Variants in CCAR1 observed in about 807,000 individuals in gnomAD.
CCAR1 encodes cell division cycle and apoptosis regulator 1.
A neutral mutation model predicts 163.8 loss-of-function variants in CCAR1; 78 were observed. The ratio of observed to expected loss-of-function variants is 0.48; its 90% CI spans 0.40 to 0.57. CCAR1 has a LOEUF of 0.57. Among genes scored for constraint, CCAR1 ranks in the 20% least tolerant of loss-of-function variants. The pLI, the probability that CCAR1 is intolerant of heterozygous loss-of-function variation, is 0.00. For missense variants in CCAR1, 1,019 were observed against 1,365.2 expected (o/e 0.75, Z 4.00); for synonymous variants, 443 against 460.7 (o/e 0.96, Z 0.49).
chr10:68,724,031 G>A (rs1164744080), intron 2 of CCAR1, among the ~76,000 whole-genome samples: 3 of 151,888 alleles, frequency 2.0e-5, no homozygotes, highest in African/African-American at 7.3e-5. Context: ...GGTGGTGCAT[G>A]CCTGTAATCC....
chr10:68,775,250 G>A (rs1015688520), intron 19 of CCAR1, among the ~76,000 whole-genome samples: 9 of 151,984 alleles, frequency 5.9e-5, no homozygotes, highest in Non-Finnish European at 7.4e-5. Context: ...GGTCGTAATA[G>A]CATCTATTAT....
intron 10 of CCAR1, among the ~76,000 whole-genome samples, chr10:68,749,999 A>G (rs2056310190): frequency 6.6e-6 from 1 of 152,156 alleles, no homozygotes; most frequent in African/African-American, 2.4e-5. Context: ...TGTATAGTCC[A>G]TTGTGTATGA....
chr10:68,727,340 G>A (rs1161437184), intron 2 of CCAR1, among the ~76,000 whole-genome samples: 1 of 151,974 alleles, frequency 6.6e-6, no homozygotes, highest in Non-Finnish European at 1.5e-5. Flanking sequence ...GCCTCCCAAA[G>A]CTAAGCTAGA....
intron 16 of CCAR1, among the ~76,000 whole-genome samples, chr10:68,764,674 A>T (rs2056515638): frequency 6.6e-6 from 1 of 152,160 alleles, no homozygotes; most frequent in Non-Finnish European, 1.5e-5. Flanking sequence ...CACTTCTATT[A>T]GAGAAGCTGA....
intron 19 of CCAR1, among the ~76,000 whole-genome samples, chr10:68,774,728 C>G (rs1332538310): frequency 6.6e-6 from 1 of 151,926 alleles, no homozygotes; most frequent in East Asian, 1.9e-4. Flanking sequence ...TAATAAACAC[C>G]CATATACCTT....
rs754914176 is a variant in CCAR1, at chr10:68,791,239, A to C, written c.3426A>C (p.Lys1142Asn). 1.9e-6 allele frequency: 3 copies of C among 1,600,216 alleles called. No individual in the cohort carries two copies. Among genetic ancestry groups the C allele is most frequent in the African/African-American group, 2.7e-5 (2 of 74,590 alleles). ...TAAAGAATGAAGACAAAGATCAAAA[A>C]TCCAAGGAGAATGGTGCCAGTGTAT... ...DNVKNEDKDQ[K>N]SKENGASV The change falls in exon 25 of 25, where the codon AAA (lysine) becomes AAC (asparagine). Residue 1142 changes from lysine (K) to asparagine (N), a missense_variant. Coordinates refer to ENST00000265872, the MANE Select transcript of CCAR1 (RefSeq NM_018237.4).
intron 19 of CCAR1, among the ~76,000 whole-genome samples, chr10:68,776,255 C>CT (rs557201705): frequency 0.034 from 4,759 of 139,220 alleles, 84 homozygotes; most frequent in African/African-American, 0.057. Context: ...CTTTTCTTTT[C>CT]TTTTTTTTTT....
intron 17 of CCAR1, among the ~76,000 whole-genome samples, chr10:68,768,831 A>C (rs2056566102): frequency 6.6e-6 from 1 of 152,202 alleles, no homozygotes; most frequent in Admixed American, 6.5e-5. Context: ...AGATTGGGCA[A>C]CTAATGAAAA....
intron 17 of CCAR1, among the ~76,000 whole-genome samples, chr10:68,769,396 G>A (rs1479474358): frequency 1.3e-5 from 2 of 152,146 alleles, no homozygotes; most frequent in African/African-American, 4.8e-5. Context: ...TGAGGCAGGC[G>A]GATCGCCTGA....
At chr10:68,721,592 T>G (rs1208857305) in intron 1 of CCAR1, 1 of 449,224 alleles carries the variant, frequency 2.2e-6, no homozygotes. Flanking sequence ...GGTTTTACCC[T>G]CCTGGCCCCC....
chr10:68,729,589 A>G (rs1166424345), intron 2 of CCAR1, among the ~76,000 whole-genome samples: 1 of 151,516 alleles, frequency 6.6e-6, no homozygotes, highest in African/African-American at 2.4e-5. Flanking sequence ...TACTCTTGTA[A>G]TCCTAGCGCT....
chr10:68,743,177 C>CTTCT (rs1298445956), intron 6 of CCAR1, among the ~76,000 whole-genome samples: 1 of 150,560 alleles, frequency 6.6e-6, no homozygotes, highest in African/African-American at 2.4e-5. Context: ...TTCCCTTACT[C>CTTCT]TTCTTTCTTT....
intron 21 of CCAR1, among the ~76,000 whole-genome samples, chr10:68,787,556 C>T (rs888332767): frequency 1.3e-5 from 2 of 151,976 alleles, no homozygotes; most frequent in Admixed American, 6.6e-5. Context: ...AAAATTACAG[C>T]TGGGCATAGT....
At chr10:68,733,521 A>G (rs1394687515) in intron 2 of CCAR1, among the ~76,000 whole-genome samples, 1 of 151,378 alleles carries the variant, frequency 6.6e-6, no homozygotes, top group Non-Finnish European at 1.5e-5. Context: ...CTTTCTTTAA[A>G]TTTTAAAAAT....
At chr10:68,762,396 T>G (rs1208863464) in intron 16 of CCAR1, among the ~76,000 whole-genome samples, 1 of 151,534 alleles carries the variant, frequency 6.6e-6, no homozygotes, top group African/African-American at 2.4e-5. Context: ...AGAAATTGAG[T>G]TCTAGTGAAG....
At chr10:68,731,063 C>T (rs901560639) in intron 2 of CCAR1, among the ~76,000 whole-genome samples, 1 of 152,062 alleles carries the variant, frequency 6.6e-6, no homozygotes, top group African/African-American at 2.4e-5. Context: ...GATATAAATA[C>T]ATAGTGATAA....
rs2056853582 is a variant in CCAR1, at chr10:68,791,740, A to C, written c.*474A>C. ...TTGTTTTTTTTACTCATCACCAAAA[A>C]ATCCCCTCTTGATCAGTCTCTAAAA... On this transcript the variant is annotated 3_prime_UTR_variant, in exon 25 of 25. Coordinates refer to ENST00000265872, the MANE Select transcript of CCAR1 (RefSeq NM_018237.4). 1 of 153,478 alleles carries C rather than the reference A, an allele frequency of 6.5e-6. No individual in the cohort carries two copies. Among genetic ancestry groups the C allele is most frequent in the Non-Finnish European group, 1.4e-5 (1 of 69,118 alleles). The allele number at this position is 153,478 out of a possible 1,614,324, so 9.5% of individuals were successfully genotyped here. A position where few individuals can be genotyped will look rare whatever the true frequency, so the allele number is the denominator to read the frequency against.
chr10:68,779,275 T>C (rs1054417585), intron 19 of CCAR1, among the ~76,000 whole-genome samples: 10 of 135,394 alleles, frequency 7.4e-5, no homozygotes, highest in African/African-American at 2.8e-4. Flanking sequence ...TTTTTTTTTT[T>C]GAGACAGAGT....
intron 19 of CCAR1, among the ~76,000 whole-genome samples, chr10:68,777,846 C>T (rs1437686376): frequency 6.6e-6 from 1 of 152,120 alleles, no homozygotes; most frequent in Non-Finnish European, 1.5e-5. Flanking sequence ...CTGGTAGGAT[C>T]ACTTGAGCCC....
Sources: gnomAD v4.1 joint callset for allele counts (sites outside exome capture counted in the v4.1 genomes callset) on GRCh38, gnomAD v4.1.1 for gene constraint, MANE v1.5 for transcripts, NCBI Gene and HGNC (gene_info 2026-07-23, HGNC 2026-07-21) for gene names.